Variants in GSN observed in about 807,000 individuals in gnomAD.
GSN encodes the protein actin-depolymerizing factor.
In GSN, 56 loss-of-function variants were observed where a neutral mutation model predicts 85.7. That is an observed-to-expected ratio of 0.65 (90% confidence interval 0.53 to 0.82). GSN has a LOEUF of 0.82. Among genes scored for constraint, GSN ranks in the 40% least tolerant of loss-of-function variants. The pLI, the probability that GSN is intolerant of heterozygous loss-of-function variation, is 0.00. For synonymous variants in GSN, 373 were observed against 399.1 expected, an observed-to-expected ratio of 0.93 and a Z score of 0.78; for missense variants, 857 against 979.8, an observed-to-expected ratio of 0.87 and a Z score of 1.67.
At chr9:121,232,579 A>G (rs901415923) in intron 5 of GSN, among the ~76,000 whole-genome samples, 1 of 152,228 alleles carries the variant, frequency 6.6e-6, no homozygotes, top group South Asian at 2.1e-4. Context: ...AACACGTAAC[A>G]TGAGGACTAC....
intron 5 of GSN, among the ~76,000 whole-genome samples, chr9:121,236,462 C>G (rs937262703): frequency 6.6e-6 from 1 of 152,164 alleles, no homozygotes; most frequent in African/African-American, 2.4e-5. Flanking sequence ...ATCTGCCCGC[C>G]TCAGCCTCCC....
At chr9:121,221,795 G>C (rs1037767652) in intron 4 of GSN, among the ~76,000 whole-genome samples, 15 of 152,218 alleles carry the variant, frequency 9.9e-5, no homozygotes, top group Non-Finnish European at 1.9e-4. Context: ...GAGCTAGCCA[G>C]AGCTGAGGCC....
chr9:121,224,251 C>T (rs1032646982), intron 4 of GSN, among the ~76,000 whole-genome samples: 1 of 152,044 alleles, frequency 6.6e-6, no homozygotes, highest in Non-Finnish European at 1.5e-5. Flanking sequence ...CGCCCGTCAC[C>T]ACGCCCGGCT....
At chr9:121,304,501 T>C (rs746974472) in intron 4 of GSN, among the ~76,000 whole-genome samples, 23 of 152,188 alleles carry the variant, frequency 1.5e-4, no homozygotes, top group Non-Finnish European at 1.0e-4. Context: ...ATCACAGAGA[T>C]TGGGATTCAG....
chr9:121,269,042 T>C (rs1406843203), intron 1 of GSN, among the ~76,000 whole-genome samples: 2 of 152,210 alleles, frequency 1.3e-5, no homozygotes, highest in Admixed American at 1.3e-4. Flanking sequence ...CCCAGACATC[T>C]GTCGCTTTAT....
chr9:121,293,606 A>G (rs1441316495), intron 2 of GSN, among the ~76,000 whole-genome samples: 1 of 151,224 alleles, frequency 6.6e-6, no homozygotes, highest in Non-Finnish European at 1.5e-5. Flanking sequence ...AAAATTAGCC[A>G]GAAATCACTT....
chr9:121,315,001 C>T (rs971061722), intron 7 of GSN, among the ~76,000 whole-genome samples: 2 of 152,202 alleles, frequency 1.3e-5, no homozygotes, highest in Non-Finnish European at 2.9e-5. Context: ...GCTGGGACTA[C>T]AGATGTACGC....
At chr9:121,224,258 G>A (rs979588084) in intron 4 of GSN, among the ~76,000 whole-genome samples, 2 of 151,900 alleles carry the variant, frequency 1.3e-5, no homozygotes, top group Non-Finnish European at 2.9e-5. Context: ...CACCACGCCC[G>A]GCTAATTTTT....
intron 2 of GSN, among the ~76,000 whole-genome samples, chr9:121,290,306 T>A (rs1437752579): frequency 6.6e-6 from 1 of 152,176 alleles, no homozygotes; most frequent in East Asian, 1.9e-4. Context: ...AGGTGCTGGA[T>A]CTTGTTTAAA....
At chr9:121,211,150 A>G (rs2053961975) in intron 4 of GSN, among the ~76,000 whole-genome samples, 1 of 152,222 alleles carries the variant, frequency 6.6e-6, no homozygotes, top group African/African-American at 2.4e-5. Context: ...GAAAATTGGA[A>G]GGTGGTTCCC....
intron 2 of GSN, among the ~76,000 whole-genome samples, chr9:121,289,851 C>T (rs946595311): frequency 6.6e-6 from 1 of 152,064 alleles, no homozygotes; most frequent in Admixed American, 6.5e-5. Flanking sequence ...CACAGAGGAC[C>T]GAACTCAGGA....
intron 1 of GSN, among the ~76,000 whole-genome samples, chr9:121,271,009 A>G (rs2055862035): frequency 6.6e-6 from 1 of 152,158 alleles, no homozygotes; most frequent in Non-Finnish European, 1.5e-5. Flanking sequence ...GGCAAATCCT[A>G]TCTCTCTGAG....
At chr9:121,331,357 A>G in intron 16 of GSN, 31 bp from the exon 17 acceptor site, 1 of 1,481,482 alleles carries the variant, frequency 6.7e-7, no homozygotes. Context: ...AGCACTCCTC[A>G]TGTACCTTTC....
At chr9:121,203,293 C>A (rs1021579901), upstream of GSN, 2 of 152,294 alleles carry the variant, frequency 1.3e-5, no homozygotes, top group African/African-American at 4.8e-5. Context: ...GAGGGAGGGA[C>A]CACCCAGGTT....
At chr9:121,320,106 T>C (rs192192422) in intron 10 of GSN, among the ~76,000 whole-genome samples, 215 of 152,302 alleles carry the variant, frequency 1.4e-3, no homozygotes, top group African/African-American at 5.1e-3. Context: ...AGCTTCACTT[T>C]CTCACTTGTA....
chr9:121,288,846 A>T (rs1241603057), intron 2 of GSN, among the ~76,000 whole-genome samples: 1 of 152,210 alleles, frequency 6.6e-6, no homozygotes, highest in Non-Finnish European at 1.5e-5. Flanking sequence ...CACAAAACAG[A>T]CATCACATGG....
upstream of GSN, among the ~76,000 whole-genome samples, chr9:121,205,623 C>T (rs1321599287): frequency 6.6e-6 from 1 of 152,064 alleles, no homozygotes; most frequent in Non-Finnish European, 1.5e-5. Context: ...AAGAAGTGTC[C>T]ATCAGAGAGG....
Position 121,219,143 on chromosome 9 carries a change from G to A in GSN, c.-528+8276G>A, listed in dbSNP as rs1198141753. 2.6e-5 allele frequency among the ~76,000 whole-genome samples: 4 copies of A among 152,140 alleles called. No individual in the cohort carries two copies. In the South Asian group the frequency reaches 6.2e-4, roughly 24 times the overall value. On this transcript the variant is annotated intron_variant, in intron 4 of 24. Transcript: ENST00000373823. ...CTGGTGGGGGCCAACTCCTCTGGCC[G>A]GGCAGTTCTGCCAGGGCTCTGTGTC... is the stretch of plus-strand genomic sequence containing the variant.
At chr9:121,207,096 G>A (rs2053893328), upstream of GSN, among the ~76,000 whole-genome samples, 1 of 152,202 alleles carries the variant, frequency 6.6e-6, no homozygotes, top group Non-Finnish European at 1.5e-5. Context: ...TTCTGACTTT[G>A]TACATTTAGT....
Sources: gnomAD v4.1 joint callset for allele counts (sites outside exome capture counted in the v4.1 genomes callset) on GRCh38, gnomAD v4.1.1 for gene constraint, MANE v1.5 for transcripts, NCBI Gene and HGNC (gene_info 2026-07-23, HGNC 2026-07-21) for gene names.